SH3BP5: variants seen among roughly 807,000 people sequenced by gnomAD.
SH3BP5 encodes SH3 domain-binding protein 5.
A neutral mutation model predicts 43.3 loss-of-function variants in SH3BP5; 22 were observed. The observed-to-expected ratio is 0.51, with a 90% confidence interval of 0.36 to 0.73. The LOEUF (loss-of-function observed/expected upper bound fraction) is 0.73. Among genes scored for constraint, SH3BP5 ranks in the 30% least tolerant of loss-of-function variants. SH3BP5 has a pLI of 0.00. For missense variants in SH3BP5, 529 were observed against 586.9 expected (o/e 0.90, Z 1.02); for synonymous variants, 255 against 225.8 (o/e 1.13, Z -1.16).
chr3:15,315,131 G>A (rs923349956), intron 2 of SH3BP5, among the ~76,000 whole-genome samples: 4 of 152,060 alleles, frequency 2.6e-5, no homozygotes, highest in African/African-American at 7.2e-5. Context: ...AATCAAACAG[G>A]ACACTTTTGA....
intron 2 of SH3BP5, among the ~76,000 whole-genome samples, chr3:15,318,203 G>C (rs1175638535): frequency 6.6e-6 from 1 of 152,118 alleles, no homozygotes; most frequent in Non-Finnish European, 1.5e-5. Context: ...ACAAAATAGT[G>C]GTTATTTTTA....
intron 2 of SH3BP5, among the ~76,000 whole-genome samples, chr3:15,317,059 G>A (rs2125129027): frequency 6.6e-6 from 1 of 152,304 alleles, no homozygotes; most frequent in East Asian, 1.9e-4. Flanking sequence ...ACGCCAGGAG[G>A]CTTCACATAT....
chr3:15,284,156 G>A (rs1697202750), intron 3 of SH3BP5, among the ~76,000 whole-genome samples: 1 of 152,156 alleles, frequency 6.6e-6, no homozygotes. Flanking sequence ...GCTTAAGTAA[G>A]CTTCACTGAA....
rs1278307398 is a variant in SH3BP5 at position 15,257,161 on chromosome 3, AAC to A, written c.890-50_890-49del. The stretch of plus-strand genomic sequence containing the variant: ...TCACATGGGTTCTGTCACCTCCTCA[AAC>A]ACCACAAGTGCTTGCTGCTGGCAGG... On this transcript the variant is annotated intron_variant, in intron 7 of 8. Transcript: ENST00000383791. 5 of 1,589,266 alleles carry A rather than the reference AAC, an allele frequency of 3.1e-6. No homozygotes were observed. In the Admixed American group the frequency reaches 8.5e-5, roughly 27 times the overall value.
rs116227593 is a variant in SH3BP5, at chr3:15,329,785, T to C, written c.201+719A>G. ...CAATTCACAGTCTCCTGAATACATA[T>C]AGTGGTTGTTCAAATTTGCTGATGG... On this transcript the variant is annotated intron_variant, in intron 2 of 8. Coordinates refer to ENST00000383791, the MANE Select transcript of SH3BP5 (RefSeq NM_004844.5). Among the ~76,000 whole-genome samples, 782 of 152,324 alleles carry C rather than the reference T, an allele frequency of 5.1e-3. 3 individuals carry two copies. Among genetic ancestry groups the C allele is most frequent in the African/African-American group, 0.017 (723 of 41,580 alleles).
At chr3:15,333,473 G>A (rs1457203649), upstream of SH3BP5, among the ~76,000 whole-genome samples, 1 of 152,178 alleles carries the variant, frequency 6.6e-6, no homozygotes, top group African/African-American at 2.4e-5. Flanking sequence ...TGAGAAAGGA[G>A]CTTCTTTCTG....
intron 1 of SH3BP5, 149 bp downstream of exon 1, chr3:15,332,122 G>C (rs1424953103): frequency 1.4e-5 from 17 of 1,241,318 alleles, no homozygotes; most frequent in Non-Finnish European, 1.9e-5. Context: ...CGATGAAACG[G>C]AGCATACAGA....
At chr3:15,295,948 T>C (rs1220782985) in intron 3 of SH3BP5, among the ~76,000 whole-genome samples, 1 of 145,682 alleles carries the variant, frequency 6.9e-6, no homozygotes, top group Non-Finnish European at 1.5e-5. Flanking sequence ...ATATTGCATA[T>C]AATTGATTGT....
At chr3:15,319,739 C>G (rs573944921) in intron 2 of SH3BP5, among the ~76,000 whole-genome samples, 7 of 152,196 alleles carry the variant, frequency 4.6e-5, no homozygotes, top group Admixed American at 3.9e-4. Flanking sequence ...TCCAGCTGAG[C>G]TCCCAGCATA....
intron 2 of SH3BP5, among the ~76,000 whole-genome samples, chr3:15,322,138 G>A (rs558099180): frequency 1.3e-5 from 2 of 152,168 alleles, no homozygotes; most frequent in Non-Finnish European, 2.9e-5. Context: ...GGGAGGTGGA[G>A]GTTGCAATGA....
intron 4 of SH3BP5, among the ~76,000 whole-genome samples, chr3:15,265,512 T>TCACACACTCACACA (rs1553613880): frequency 1.9e-5 from 2 of 107,934 alleles, no homozygotes; most frequent in Non-Finnish European, 3.6e-5. Flanking sequence ...CGAGACTCCG[T>TCACACACTCACACA]CACACACACA....
At chr3:15,265,512 T>TCTCACA (rs1318765546) in intron 4 of SH3BP5, among the ~76,000 whole-genome samples, 11 of 107,934 alleles carry the variant, frequency 1.0e-4, no homozygotes, top group African/African-American at 4.2e-4. Flanking sequence ...CGAGACTCCG[T>TCTCACA]CACACACACA....
At chr3:15,257,781 T>G (rs1453121046) in intron 7 of SH3BP5, among the ~76,000 whole-genome samples, 1 of 152,238 alleles carries the variant, frequency 6.6e-6, no homozygotes, top group African/African-American at 2.4e-5. Flanking sequence ...CTTTAGCGGT[T>G]TTCCCTCAGC....
At chr3:15,297,138 G>A (rs1265773851) in intron 3 of SH3BP5, among the ~76,000 whole-genome samples, 2 of 152,134 alleles carry the variant, frequency 1.3e-5, no homozygotes, top group African/African-American at 2.4e-5. Context: ...TTCAAAACAC[G>A]ATTCTCCATC....
chr3:15,258,744 A>G (rs1243006234), intron 7 of SH3BP5, 87 bp downstream of exon 7: 1 of 1,218,170 alleles, frequency 8.2e-7, no homozygotes, highest in African/African-American at 1.5e-5. Flanking sequence ...GAGACCTTTC[A>G]CTGATGGCCA....
chr3:15,298,141 T>C (rs1469367309), intron 3 of SH3BP5, among the ~76,000 whole-genome samples: 1 of 152,082 alleles, frequency 6.6e-6, no homozygotes, highest in Non-Finnish European at 1.5e-5. Context: ...CATGCCTGGC[T>C]ACTTTTTGTA....
intron 5 of SH3BP5, among the ~76,000 whole-genome samples, chr3:15,261,831 A>C (rs989213395): frequency 1.3e-5 from 2 of 152,258 alleles, no homozygotes; most frequent in Non-Finnish European, 2.9e-5. Flanking sequence ...GGCCTTGACA[A>C]CACTGTCAAC....
intron 2 of SH3BP5, among the ~76,000 whole-genome samples, chr3:15,318,417 T>C (rs1041320614): frequency 6.6e-6 from 1 of 151,736 alleles, no homozygotes; most frequent in African/African-American, 2.4e-5. Flanking sequence ...TTACCAAGAC[T>C]GTACGGCACA....
At chr3:15,281,629 G>C (rs997901930) in intron 3 of SH3BP5, among the ~76,000 whole-genome samples, 1 of 152,102 alleles carries the variant, frequency 6.6e-6, no homozygotes, top group Non-Finnish European at 1.5e-5. Context: ...TGCTCCCCAA[G>C]TGCATGGTTC....
Sources: gnomAD v4.1 joint callset for allele counts (sites outside exome capture counted in the v4.1 genomes callset) on GRCh38, gnomAD v4.1.1 for gene constraint, MANE v1.5 for transcripts, NCBI Gene and HGNC (gene_info 2026-07-23, HGNC 2026-07-21) for gene names.